Variants in FBRSL1 observed in about 807,000 individuals in gnomAD.
The protein encoded by FBRSL1 is fibrosin like 1, also known as fibrosin-1-like protein.
A neutral mutation model predicts 89.6 loss-of-function variants in FBRSL1; 51 were observed. The observed-to-expected ratio is 0.57, with a 90% CI of 0.45 to 0.72. The LOEUF is 0.72. FBRSL1 is among the 30% of genes least tolerant of loss of function. The pLI is 0.00. For missense variants in FBRSL1, 1,618 were observed against 1,451.8 expected (o/e 1.11, Z -1.86); for synonymous variants, 779 against 681.1 (o/e 1.14, Z -2.24).
chr12:132,535,754 C>T (rs758879114), intron 4 of FBRSL1, among the ~76,000 whole-genome samples: 2 of 152,212 alleles, frequency 1.3e-5, no homozygotes, highest in African/African-American at 2.4e-5. Flanking sequence ...CATGTGTGCA[C>T]GTGTACATGA....
In FBRSL1 at chr12:132,583,556, C is replaced by T. The variant is rs2040943465; in HGVS notation, c.2787C>T (p.His929=). 2 of 1,033,218 alleles carry T rather than the reference C, an allele frequency of 1.9e-6. No individual in the cohort carries two copies. The highest frequency in any genetic ancestry group is 3.5e-5 in the African/African-American group (2 of 57,122). 64.0% of individuals were successfully genotyped at this position (1,033,218 alleles called of 1,614,324 possible). A position where few individuals can be genotyped will look rare whatever the true frequency, so the allele number is the denominator to read the frequency against. The change falls in exon 19 of 19, where the codon CAC becomes CAT. Residue 929 remains histidine, a synonymous_variant. Coordinates refer to ENST00000680143, the MANE Select transcript of FBRSL1 (RefSeq NM_001367871.1). ...GALLPSLGAL[H]FPRLSPAALH... ...TGCTGCCCTCGCTGGGAGCCCTGCA[C>T]TTCCCGCGCCTCTCGCCCGCCGCGC...
At chr12:132,500,853 G>A (rs1004453118) in intron 1 of FBRSL1, among the ~76,000 whole-genome samples, 11 of 152,306 alleles carry the variant, frequency 7.2e-5, no homozygotes, top group South Asian at 2.1e-4. Flanking sequence ...CTCTCCTGCC[G>A]CAGTGTCCCC....
intron 1 of FBRSL1, among the ~76,000 whole-genome samples, chr12:132,495,886 G>A (rs1240266686): frequency 6.6e-6 from 1 of 152,254 alleles, no homozygotes; most frequent in East Asian, 1.9e-4. Context: ...TTTGGCTCTG[G>A]GAAGGGTTCC....
intron 1 of FBRSL1, among the ~76,000 whole-genome samples, chr12:132,497,709 C>T (rs1236321396): frequency 1.3e-5 from 2 of 152,142 alleles, no homozygotes; most frequent in African/African-American, 4.8e-5. Flanking sequence ...AGGGCGCCGC[C>T]TCACACCTGC....
intron 14 of FBRSL1, among the ~76,000 whole-genome samples, 168 bp from the exon 15 acceptor site, chr12:132,576,631 T>A (rs2040400402): frequency 6.6e-6 from 1 of 152,202 alleles, no homozygotes; most frequent in Non-Finnish European, 1.5e-5. Flanking sequence ...GCTGATCATG[T>A]GTAACATTTC....
At chr12:132,541,394 C>G (rs1008605987) in intron 4 of FBRSL1, among the ~76,000 whole-genome samples, 1 of 152,240 alleles carries the variant, frequency 6.6e-6, no homozygotes, top group South Asian at 2.1e-4. Flanking sequence ...CCGTAACCCC[C>G]TGCCCACGAG....
chr12:132,518,748 A>G (rs1452629647), intron 2 of FBRSL1, among the ~76,000 whole-genome samples: 1 of 147,182 alleles, frequency 6.8e-6, no homozygotes, highest in Admixed American at 6.7e-5. Flanking sequence ...GCATCCATCC[A>G]CCCATACATC....
At chr12:132,508,737 C>T (rs1229446251) in intron 2 of FBRSL1, among the ~76,000 whole-genome samples, 1 of 152,264 alleles carries the variant, frequency 6.6e-6, no homozygotes, top group Non-Finnish European at 1.5e-5. Context: ...GAGGGCTGTC[C>T]TGTCCACACG....
In FBRSL1 at chr12:132,574,558, G is replaced by A; in HGVS notation, c.1695G>A (p.Lys565=). 6.5e-7 allele frequency: 1 copy of A among 1,549,762 alleles called. No homozygotes were observed. The highest frequency in any genetic ancestry group is 8.7e-7 in the Non-Finnish European group (1 of 1,146,780). ...GGCAGATCTACCGTCACCAGCAGAAGATAAAGGTGAGACCACCTGGGCTGG... is the reference window on the plus strand; with the variant it reads ...GGCAGATCTACCGTCACCAGCAGAAAATAAAGGTGAGACCACCTGGGCTGG... ...IAWQIYRHQQ[K]IKEMQLDPHK... Residue 565 remains lysine, a synonymous_variant, in exon 14 of 19, where the codon AAG becomes AAA. Transcript: ENST00000680143.
At chr12:132,533,677 ATCTG>A (rs1424511553) in intron 4 of FBRSL1, among the ~76,000 whole-genome samples, 2 of 152,172 alleles carry the variant, frequency 1.3e-5, no homozygotes, top group African/African-American at 4.8e-5. Flanking sequence ...TCTGCCACCC[ATCTG>A]TCCGTCCATG....
At chr12:132,548,876 T>C (rs1198642752) in intron 5 of FBRSL1, among the ~76,000 whole-genome samples, 1 of 152,156 alleles carries the variant, frequency 6.6e-6, no homozygotes, top group Non-Finnish European at 1.5e-5. Flanking sequence ...ACTGCATGTG[T>C]GCGACGATTC....
intron 4 of FBRSL1, among the ~76,000 whole-genome samples, chr12:132,541,762 C>T (rs2037289987): frequency 2.0e-5 from 3 of 152,260 alleles, no homozygotes; most frequent in Admixed American, 2.0e-4. Context: ...GAATGCATTG[C>T]ATATCCCGCC....
At chr12:132,535,146 C>T (rs1030967012) in intron 4 of FBRSL1, among the ~76,000 whole-genome samples, 1 of 152,240 alleles carries the variant, frequency 6.6e-6, no homozygotes, top group Non-Finnish European at 1.5e-5. Flanking sequence ...TTAATGTTAA[C>T]ACTGTTTCTG....
intron 1 of FBRSL1, among the ~76,000 whole-genome samples, chr12:132,491,400 A>T (rs1451255592): frequency 6.6e-6 from 1 of 152,208 alleles, no homozygotes; most frequent in African/African-American, 2.4e-5. Context: ...TGGCTGACGG[A>T]CAGTATTTGC....
intron 5 of FBRSL1, among the ~76,000 whole-genome samples, chr12:132,555,884 C>T (rs1213607314): frequency 1.3e-5 from 2 of 152,180 alleles, no homozygotes; most frequent in African/African-American, 2.4e-5. Context: ...CCTTTCTCCC[C>T]GCAGGCACTC....
intron 1 of FBRSL1, among the ~76,000 whole-genome samples, chr12:132,496,169 C>T (rs544832401): frequency 1.3e-5 from 2 of 152,360 alleles, no homozygotes; most frequent in South Asian, 4.1e-4. Flanking sequence ...TCCCGGGGTC[C>T]CTGTGAGTCA....
intron 4 of FBRSL1, among the ~76,000 whole-genome samples, chr12:132,535,950 GGTGT>G (rs888136783): frequency 1.3e-5 from 2 of 150,938 alleles, no homozygotes; most frequent in African/African-American, 4.9e-5. Context: ...TGTCCATGAT[GGTGT>G]GTGAGCACAC....
At chr12:132,513,206 G>A (rs1007649783) in intron 2 of FBRSL1, among the ~76,000 whole-genome samples, 5 of 152,222 alleles carry the variant, frequency 3.3e-5, no homozygotes, top group African/African-American at 1.2e-4. Flanking sequence ...ATGCAGCTGT[G>A]GGCCTGCGAG....
intron 9 of FBRSL1, chr12:132,571,728 A>G: frequency 2.7e-6 from 1 of 377,282 alleles, no homozygotes; most frequent in Non-Finnish European, 4.7e-6. Context: ...CACCCTCGGC[A>G]GTGGTCCTGG....
Sources: allele counts gnomAD v4.1 joint callset (sites outside exome capture counted in the v4.1 genomes callset), GRCh38; gene constraint gnomAD v4.1.1; transcripts MANE v1.5; gene names NCBI Gene and HGNC (gene_info 2026-07-23, HGNC 2026-07-21).